LY86: variants seen among roughly 807,000 people sequenced by gnomAD.
LY86 encodes the protein MD-1, RP105-associated.
LY86 carries 20 observed loss-of-function variants against 17.3 expected under a neutral mutation model. The observed-to-expected ratio is 1.15, with a 90% CI of 0.81 to 1.68. The LOEUF is 1.68. Among genes scored for constraint, LY86 ranks in the 40% most tolerant of loss-of-function variants. The pLI is 0.00. For missense variants in LY86, 200 were observed against 191.9 expected (o/e 1.04, Z -0.25); for synonymous variants, 74 against 70.6 (o/e 1.05, Z -0.24).
At chr6:6,599,095 T>C (rs1429389004) in intron 1 of LY86, among the ~76,000 whole-genome samples, 1 of 152,200 alleles carries the variant, frequency 6.6e-6, no homozygotes, top group Non-Finnish European at 1.5e-5. Context: ...TAGAAAAAAC[T>C]GCATAGTTGT....
At chr6:6,596,102 A>G (rs1760704086) in intron 1 of LY86, among the ~76,000 whole-genome samples, 1 of 152,220 alleles carries the variant, frequency 6.6e-6, no homozygotes, top group Non-Finnish European at 1.5e-5. Context: ...CTGACCCCCA[A>G]AAAGCCTCTT....
chr6:6,605,553 C>CTTCCCACGGAGTGGGAG (rs1383050152), intron 1 of LY86, among the ~76,000 whole-genome samples: 3 of 152,286 alleles, frequency 2.0e-5, no homozygotes, highest in African/African-American at 2.4e-5. Flanking sequence ...TGGCAACGTG[C>CTTCCCACGGAGTGGGAG]TTCCCACGGA....
At chr6:6,594,354 A>G (rs537269461) in intron 1 of LY86, among the ~76,000 whole-genome samples, 1 of 152,370 alleles carries the variant, frequency 6.6e-6, no homozygotes, top group African/African-American at 2.4e-5. Context: ...AAGAATATTC[A>G]TGACACATGG....
chr6:6,594,900 T>A (rs1394756554), intron 1 of LY86, among the ~76,000 whole-genome samples: 1 of 152,196 alleles, frequency 6.6e-6, no homozygotes, highest in East Asian at 1.9e-4. Context: ...ACCTGAGCCA[T>A]GATACAAACC....
At chr6:6,590,292 GAC>G (rs1760486628) in intron 1 of LY86, among the ~76,000 whole-genome samples, 1 of 152,048 alleles carries the variant, frequency 6.6e-6, no homozygotes, top group Non-Finnish European at 1.5e-5. Context: ...CAATAAATGA[GAC>G]AGCTACTAAG....
At chr6:6,608,383 A>G (rs948233881) in intron 1 of LY86, among the ~76,000 whole-genome samples, 3 of 152,278 alleles carry the variant, frequency 2.0e-5, no homozygotes, top group Non-Finnish European at 4.4e-5. Context: ...ATTCATTTTC[A>G]TGGAGGTAGA....
At chr6:6,599,393 T>G (rs1237103988) in intron 1 of LY86, among the ~76,000 whole-genome samples, 4 of 152,216 alleles carry the variant, frequency 2.6e-5, no homozygotes, top group African/African-American at 9.6e-5. Flanking sequence ...CCCTCTAGCA[T>G]TCCATCAGTG....
chr6:6,639,172 T>TTTA lies in LY86; in HGVS notation c.353-10451_353-10450insATT, dbSNP rs367934862. Among the ~76,000 whole-genome samples, 168 of 152,258 alleles carry TTTA rather than the reference T, an allele frequency of 1.1e-3. 1 individual carries two copies. The highest frequency in any genetic ancestry group is 3.9e-3 in the African/African-American group (162 of 41,554). On this transcript the variant is annotated intron_variant, in intron 3 of 4. Transcript: ENST00000230568. ...ATCATCATTCTCAGCTCTAAAGTATTTTTAACAGTCCATCCTGAGTTCGTT... is the reference window on the plus strand; with the variant it reads ...ATCATCATTCTCAGCTCTAAAGTATTTTATTTAACAGTCCATCCTGAGTTCGTT...
At position 6,597,156 on chromosome 6, in the gene LY86, T is replaced by C. The variant is rs796176826; in HGVS notation, c.136+8286T>C. On this transcript the variant is annotated intron_variant, in intron 1 of 4. Transcript: ENST00000230568. The stretch of plus-strand genomic sequence containing the variant: ...CGATTGTGAGGTCCTGGGCATGGTT[T>C]CAGACCCAGGCCCGCAGGAGGGGGA... 5.1e-4 allele frequency among the ~76,000 whole-genome samples: 77 copies of C among 152,304 alleles called. 1 individual carries two copies. The highest frequency in any genetic ancestry group is 1.7e-3 in the African/African-American group (72 of 41,566).
At chr6:6,589,529 G>A (rs1760460013) in intron 1 of LY86, among the ~76,000 whole-genome samples, 1 of 152,232 alleles carries the variant, frequency 6.6e-6, no homozygotes, top group Non-Finnish European at 1.5e-5. Context: ...GTGAACTGTG[G>A]TAAGAAGTGT....
At chr6:6,638,653 C>G (rs1761993941) in intron 3 of LY86, among the ~76,000 whole-genome samples, 1 of 136,354 alleles carries the variant, frequency 7.3e-6, no homozygotes, top group South Asian at 2.4e-4. Context: ...CTATACTGCT[C>G]TATTTTTTTT....
intron 1 of LY86, among the ~76,000 whole-genome samples, chr6:6,590,937 C>A (rs541706029): frequency 4.6e-5 from 7 of 151,960 alleles, no homozygotes; most frequent in East Asian, 3.9e-4. Context: ...CACACACACA[C>A]AAAAATTAAA....
intron 1 of LY86, among the ~76,000 whole-genome samples, chr6:6,612,774 A>G (rs1761418826): frequency 6.6e-6 from 1 of 152,186 alleles, no homozygotes; most frequent in South Asian, 2.1e-4. Context: ...CAGAGTGTTG[A>G]TTGGTGTATT....
chr6:6,624,945 CT>C lies in LY86; in HGVS notation c.160del (p.Ser54LeufsTer9). 6.4e-7 allele frequency: 1 copy of C among 1,558,968 alleles called. No homozygotes were observed. The highest frequency in any genetic ancestry group is 8.8e-7 in the Non-Finnish European group (1 of 1,136,866). ...TCGTAGATCCATTACAAGATTTTGG[CT>C]TTTCTGTTGAAAAGTGTTCCAAGCA... ...QSCDPLQDFG[F>X]SVEKCSKQLK... On this transcript the variant is annotated frameshift_variant, in exon 2 of 5. Transcript: ENST00000230568. LOFTEE classifies it high-confidence loss of function.
Position 6,624,965 on chromosome 6 carries a change from C to T in LY86, c.176C>T (p.Ser59Phe). Residue 59 changes from serine (S) to phenylalanine (F), a missense_variant, in exon 2 of 5, where the codon TCC becomes TTC. By Grantham distance (155) the Ser-to-Phe change is radical. Coordinates refer to ENST00000230568, the MANE Select transcript of LY86 (RefSeq NM_004271.4). The part of the protein sequence containing the change: ...QDFGFSVEKC[S>F]KQLKSNINIR... ...TTTGGCTTTTCTGTTGAAAAGTGTTCCAAGCAATTAAAATCAAATATCAAC... is the reference window on the plus strand; with the variant it reads ...TTTGGCTTTTCTGTTGAAAAGTGTTTCAAGCAATTAAAATCAAATATCAAC... The T allele has an allele frequency of 3.2e-6, 5 of 1,564,702 alleles. No homozygotes were observed. Among genetic ancestry groups the T allele is most frequent in the Non-Finnish European group, 3.5e-6 (4 of 1,143,352 alleles).
Position 6,609,142 on chromosome 6 carries a change from C to T in LY86, c.137-15784C>T, listed in dbSNP as rs140402383. Among the ~76,000 whole-genome samples the T allele has an allele frequency of 3.8e-3, 571 of 152,184 alleles. 2 individuals are homozygous for T. The highest frequency in any genetic ancestry group is 0.013 in the African/African-American group (536 of 41,506). On this transcript the variant is annotated intron_variant, in intron 1 of 4. Transcript: ENST00000230568. ...TGTAATCTTTTATTGTTCATGGCCC[C>T]GGGATCCTATTCCCGGATGGTCTAT...
intron 3 of LY86, among the ~76,000 whole-genome samples, chr6:6,633,554 T>C (rs778435510): frequency 6.6e-6 from 1 of 152,170 alleles, no homozygotes; most frequent in South Asian, 2.1e-4. Context: ...CCAACGTCTA[T>C]TAGCTATTTT....
At chr6:6,592,296 G>A (rs1011634941) in intron 1 of LY86, among the ~76,000 whole-genome samples, 10 of 152,210 alleles carry the variant, frequency 6.6e-5, no homozygotes, top group East Asian at 1.9e-4. Flanking sequence ...GAGAGCCACT[G>A]TCTTTACTAA....
intron 4 of LY86, among the ~76,000 whole-genome samples, chr6:6,651,580 TTTGAA>T (rs1189451744): frequency 6.6e-6 from 1 of 152,214 alleles, no homozygotes; most frequent in Non-Finnish European, 1.5e-5. Flanking sequence ...ATCTTTGCTA[TTTGAA>T]TTGTTTTTCT....
Sources: gnomAD v4.1 joint callset for allele counts (sites outside exome capture counted in the v4.1 genomes callset) on GRCh38, gnomAD v4.1.1 for gene constraint, MANE v1.5 for transcripts, NCBI Gene and HGNC (gene_info 2026-07-23, HGNC 2026-07-21) for gene names.